The following DLG2 variants were observed in gnomAD, a reference collection of about 807,000 sequenced individuals.
DLG2 encodes discs large MAGUK scaffold protein 2, also known as disks large homolog 2.
A neutral mutation model predicts 132.5 loss-of-function variants in DLG2; 45 were observed. That is an observed-to-expected ratio of 0.34 (90% CI 0.27 to 0.44). DLG2 has a LOEUF of 0.44. DLG2 is among the 20% of genes least tolerant of loss of function. DLG2 has a pLI of 1.00. For synonymous variants in DLG2, 424 were observed against 419.6 expected (o/e 1.01, Z -0.13); for missense variants, 1,045 against 1,196.9 (o/e 0.87, Z 1.87).
intron 18 of DLG2, among the ~76,000 whole-genome samples, chr11:83,724,672 A>C (rs548772135): frequency 6.6e-6 from 1 of 152,270 alleles, no homozygotes; most frequent in East Asian, 1.9e-4. Flanking sequence ...ATAGCAACAG[A>C]CATGAAAACA....
chr11:84,654,995 C>T (rs981753201), intron 6 of DLG2, among the ~76,000 whole-genome samples: 3 of 152,148 alleles, frequency 2.0e-5, no homozygotes, highest in Non-Finnish European at 4.4e-5. Context: ...CTCCTTGAGA[C>T]AAAAACGTAT....
chr11:84,583,084 A>G (rs1009965570), intron 6 of DLG2, among the ~76,000 whole-genome samples: 1 of 152,168 alleles, frequency 6.6e-6, no homozygotes, highest in Admixed American at 6.5e-5. Context: ...TGATTTTGTC[A>G]TTTTTATGCT....
intron 7 of DLG2, among the ~76,000 whole-genome samples, chr11:84,275,861 C>T (rs1342648333): frequency 6.6e-6 from 1 of 152,144 alleles, no homozygotes; most frequent in Non-Finnish European, 1.5e-5. Context: ...GACATTAGGG[C>T]AGGCTCATGG....
intron 9 of DLG2, among the ~76,000 whole-genome samples, chr11:84,126,038 C>T (rs2094154917): frequency 6.6e-6 from 1 of 152,030 alleles, no homozygotes; most frequent in African/African-American, 2.4e-5. Flanking sequence ...TGCATTTTTA[C>T]TTTGCCATCT....
chr11:83,509,011 C>T (rs2139734650), intron 21 of DLG2, among the ~76,000 whole-genome samples: 1 of 152,314 alleles, frequency 6.6e-6, no homozygotes, highest in East Asian at 1.9e-4. Context: ...GAAGGGAGAG[C>T]TCAATGACTG....
At chr11:84,682,745 G>T in intron 6 of DLG2, among the ~76,000 whole-genome samples, 1 of 152,158 alleles carries the variant, frequency 6.6e-6, no homozygotes, top group East Asian at 1.9e-4. Context: ...TCACACAGAG[G>T]ACTCTAGGAA....
chr11:84,706,995 A>AT (rs2059855131), intron 6 of DLG2, among the ~76,000 whole-genome samples: 1 of 151,822 alleles, frequency 6.6e-6, no homozygotes, highest in Non-Finnish European at 1.5e-5. Flanking sequence ...CTTATTCAAA[A>AT]TTGCAGAACA....
chr11:84,069,972 A>T (rs2096732390), intron 10 of DLG2, among the ~76,000 whole-genome samples: 1 of 152,202 alleles, frequency 6.6e-6, no homozygotes, highest in Admixed American at 6.5e-5. Flanking sequence ...AGGTGCTGGT[A>T]CCTACCACCT....
chr11:83,726,215 T>C (rs1334902039), intron 18 of DLG2, among the ~76,000 whole-genome samples: 2 of 152,228 alleles, frequency 1.3e-5, no homozygotes, highest in Non-Finnish European at 2.9e-5. Flanking sequence ...AAAAACATTT[T>C]AAAAGTGTTT....
intron 3 of DLG2, among the ~76,000 whole-genome samples, chr11:85,459,580 G>A (rs1265197307): frequency 6.6e-6 from 1 of 152,100 alleles, no homozygotes; most frequent in Non-Finnish European, 1.5e-5. Flanking sequence ...GCAAAGCCGG[G>A]GCCCTGCCTG....
intron 21 of DLG2, among the ~76,000 whole-genome samples, chr11:83,515,757 A>G (rs1422443085): frequency 6.6e-6 from 1 of 152,290 alleles, no homozygotes; most frequent in African/African-American, 2.4e-5. Context: ...GAACATCTTT[A>G]TTTCTGCCTT....
At chr11:85,346,481 C>A (rs1052418654) in intron 3 of DLG2, among the ~76,000 whole-genome samples, 1 of 152,140 alleles carries the variant, frequency 6.6e-6, no homozygotes, top group Non-Finnish European at 1.5e-5. Flanking sequence ...AGCCACCGCG[C>A]CTGGCCAATT....
At chr11:84,951,624 G>T (rs555409281) in intron 6 of DLG2, among the ~76,000 whole-genome samples, 20 of 147,790 alleles carry the variant, frequency 1.4e-4, no homozygotes, top group African/African-American at 4.7e-4. Flanking sequence ...ACATATATAT[G>T]CATTCTATAT....
chr11:84,126,207 C>T lies in DLG2; in HGVS notation c.625-27160G>A, dbSNP rs373213554. On this transcript the variant is annotated intron_variant, in intron 9 of 27. Coordinates refer to ENST00000376104, the MANE Select transcript of DLG2 (RefSeq NM_001142699.3). ...GGAGGCAGCAAGAGAAATGCAGCCA[C>T]GAAGGGTCAGGAGAATTAGTATAGT... 2.2e-4 allele frequency among the ~76,000 whole-genome samples: 34 copies of T among 151,992 alleles called. No individual in the cohort carries two copies. The South Asian group carries it at 6.6e-3, about 30-fold the overall frequency.
At chr11:84,833,024 A>AT (rs1177761506) in intron 6 of DLG2, among the ~76,000 whole-genome samples, 1 of 150,608 alleles carries the variant, frequency 6.6e-6, no homozygotes, top group Non-Finnish European at 1.5e-5. Flanking sequence ...TTGGACTATG[A>AT]TTTTTAATAA....
At chr11:85,068,832 C>T (rs533541109) in intron 6 of DLG2, among the ~76,000 whole-genome samples, 1 of 152,200 alleles carries the variant, frequency 6.6e-6, no homozygotes, top group Non-Finnish European at 1.5e-5. Context: ...AAAAAAGAGA[C>T]CGCATTGCCA....
At chr11:85,540,319 C>T (rs866771963) in intron 3 of DLG2, among the ~76,000 whole-genome samples, 2 of 152,206 alleles carry the variant, frequency 1.3e-5, no homozygotes, top group Non-Finnish European at 2.9e-5. Flanking sequence ...CACAGACACA[C>T]GAGCAGCTGG....
chr11:85,494,261 A>G (rs1017146944), intron 3 of DLG2, among the ~76,000 whole-genome samples: 2 of 152,204 alleles, frequency 1.3e-5, no homozygotes, highest in African/African-American at 4.8e-5. Context: ...AATTTCCTTT[A>G]TAACATGTAT....
At chr11:83,773,498 C>T (rs1431737827) in intron 18 of DLG2, among the ~76,000 whole-genome samples, 2 of 152,158 alleles carry the variant, frequency 1.3e-5, no homozygotes, top group African/African-American at 4.8e-5. Context: ...CTTTCATGCA[C>T]CAAACAACCA....
Sources: gnomAD v4.1 joint callset for allele counts (sites outside exome capture counted in the v4.1 genomes callset) on GRCh38, gnomAD v4.1.1 for gene constraint, MANE v1.5 for transcripts, NCBI Gene and HGNC (gene_info 2026-07-23, HGNC 2026-07-21) for gene names.